EXT1: variants seen among roughly 807,000 people sequenced by gnomAD.
EXT1 encodes the protein exostosin glycosyltransferase 1.
Under a neutral mutation model 82.5 loss-of-function variants are expected in EXT1, and 20 were observed. The observed-to-expected ratio is 0.24, with a 90% CI of 0.17 to 0.35. EXT1 has a LOEUF of 0.35. EXT1 is among the 10% of genes least tolerant of loss of function. EXT1 has a pLI of 1.00. For missense variants in EXT1, 757 were observed against 936.5 expected (o/e 0.81, Z 2.50); for synonymous variants, 348 against 350.8 (o/e 0.99, Z 0.09).
chr8:118,033,648 T>C (rs1196836485), intron 1 of EXT1, among the ~76,000 whole-genome samples: 1 of 152,088 alleles, frequency 6.6e-6, no homozygotes, highest in Non-Finnish European at 1.5e-5. Context: ...CTGGCTAATT[T>C]TTTGGTTTTT....
intron 1 of EXT1, among the ~76,000 whole-genome samples, chr8:118,103,198 G>GT (rs141485388): frequency 0.14 from 21,996 of 152,190 alleles, 1,732 homozygotes; most frequent in African/African-American, 0.2. Flanking sequence ...CCAGGGTGGA[G>GT]TGCAGTGGTG....
chr8:117,828,716 G>A (rs1228197465), intron 4 of EXT1, among the ~76,000 whole-genome samples: 2 of 152,178 alleles, frequency 1.3e-5, no homozygotes, highest in African/African-American at 4.8e-5. Flanking sequence ...TTGCTTGCAG[G>A]AAGGAAGCCC....
chr8:117,920,978 A>G (rs540916536), intron 1 of EXT1, among the ~76,000 whole-genome samples: 1 of 152,346 alleles, frequency 6.6e-6, no homozygotes, highest in East Asian at 1.9e-4. Flanking sequence ...TACAGGATGT[A>G]CATTTGGAAC....
intron 1 of EXT1, among the ~76,000 whole-genome samples, chr8:118,047,282 T>C (rs9650073): frequency 0.47 from 71,393 of 151,940 alleles, 17,264 homozygotes; most frequent in African/African-American, 0.56. Flanking sequence ...GATACTCCCC[T>C]CCATGCATCC....
intron 1 of EXT1, among the ~76,000 whole-genome samples, chr8:118,062,617 A>G (rs1816901131): frequency 6.6e-6 from 1 of 152,164 alleles, no homozygotes; most frequent in Non-Finnish European, 1.5e-5. Context: ...AAATATTCAC[A>G]AGGAACAGTA....
At chr8:118,097,277 C>G (rs1817637309) in intron 1 of EXT1, among the ~76,000 whole-genome samples, 1 of 151,966 alleles carries the variant, frequency 6.6e-6, no homozygotes, top group Admixed American at 6.6e-5. Flanking sequence ...AAAACCTCAT[C>G]TTTACTAAAA....
chr8:117,888,357 T>TATA (rs1813184928), intron 1 of EXT1, among the ~76,000 whole-genome samples: 1 of 152,174 alleles, frequency 6.6e-6, no homozygotes, highest in Admixed American at 6.5e-5. Context: ...TATAGATTCA[T>TATA]GGTCCTTGTG....
intron 1 of EXT1, among the ~76,000 whole-genome samples, chr8:117,884,543 A>C (rs1813115110): frequency 6.6e-6 from 1 of 152,216 alleles, no homozygotes; most frequent in African/African-American, 2.4e-5. Flanking sequence ...CACGCACAGC[A>C]AATGCACATC....
intron 1 of EXT1, among the ~76,000 whole-genome samples, chr8:117,938,621 T>C (rs113692736): frequency 2.0e-5 from 3 of 152,354 alleles, no homozygotes; most frequent in African/African-American, 4.8e-5. Context: ...AAAGTTCTCC[T>C]GGACAGCTCC....
chr8:117,861,488 CTTTTTTTT>C (rs755653091), intron 1 of EXT1, among the ~76,000 whole-genome samples: 5 of 86,824 alleles, frequency 5.8e-5, no homozygotes, highest in Non-Finnish European at 6.4e-5. Flanking sequence ...AAGTTTTTAT[CTTTTTTTT>C]TTTTTTTTTT....
intron 1 of EXT1, among the ~76,000 whole-genome samples, chr8:117,874,998 T>C (rs1288166146): frequency 1.3e-5 from 2 of 152,170 alleles, no homozygotes; most frequent in African/African-American, 4.8e-5. Context: ...GAACAAAGTA[T>C]TGTTATGTTG....
At chr8:117,885,494 C>CAAAAAA (rs11300586) in intron 1 of EXT1, among the ~76,000 whole-genome samples, 36 of 103,328 alleles carry the variant, frequency 3.5e-4, no homozygotes, top group South Asian at 1.0e-3. Context: ...AAGTAACAGA[C>CAAAAAA]AAAAAAAAAA....
intron 1 of EXT1, among the ~76,000 whole-genome samples, chr8:117,853,038 C>T (rs1253577605): frequency 6.6e-6 from 1 of 152,120 alleles, no homozygotes; most frequent in Non-Finnish European, 1.5e-5. Flanking sequence ...TCCAGCAGGA[C>T]TGGGGTTCAG....
At chr8:117,924,790 T>C (rs1338451865) in intron 1 of EXT1, among the ~76,000 whole-genome samples, 2 of 152,186 alleles carry the variant, frequency 1.3e-5, no homozygotes, top group African/African-American at 4.8e-5. Flanking sequence ...ATTCCCCATA[T>C]TGGAGTCTGC....
At chr8:118,058,699 T>A (rs965862655) in intron 1 of EXT1, among the ~76,000 whole-genome samples, 1 of 152,210 alleles carries the variant, frequency 6.6e-6, no homozygotes, top group African/African-American at 2.4e-5. Flanking sequence ...TATATGTGCA[T>A]AACATGATAT....
chr8:117,996,472 T>C (rs928680955), intron 1 of EXT1, among the ~76,000 whole-genome samples: 1 of 152,242 alleles, frequency 6.6e-6, no homozygotes, highest in Admixed American at 6.5e-5. Flanking sequence ...CAGAAAGTTC[T>C]ACCAGACACA....
At chr8:117,897,726 C>G (rs918304559) in intron 1 of EXT1, among the ~76,000 whole-genome samples, 3 of 151,014 alleles carry the variant, frequency 2.0e-5, no homozygotes, top group African/African-American at 7.3e-5. Flanking sequence ...TTCCGAGTAG[C>G]TGGGATTACA....
chr8:117,940,275 T>C (rs1814245992), intron 1 of EXT1, among the ~76,000 whole-genome samples: 1 of 152,210 alleles, frequency 6.6e-6, no homozygotes, highest in Admixed American at 6.5e-5. Context: ...ACTGGTGAGA[T>C]GATGTAGACT....
intron 4 of EXT1, among the ~76,000 whole-genome samples, chr8:117,826,269 T>TC (rs1812007005): frequency 2.6e-5 from 4 of 152,208 alleles, no homozygotes; most frequent in Non-Finnish European, 5.9e-5. Flanking sequence ...TGTTTTCAAC[T>TC]GAGTCTAAGC....
Sources: gnomAD v4.1 joint callset for allele counts (sites outside exome capture counted in the v4.1 genomes callset) on GRCh38, gnomAD v4.1.1 for gene constraint, MANE v1.5 for transcripts, NCBI Gene and HGNC (gene_info 2026-07-23, HGNC 2026-07-21) for gene names.